RIN3: variants seen among roughly 807,000 people sequenced by gnomAD.
RIN3 encodes the protein RAB5 interacting protein 3.
RIN3 carries 54 observed loss-of-function variants against 76.3 expected under a neutral mutation model. The observed-to-expected ratio is 0.71, with a 90% CI of 0.57 to 0.89. The LOEUF (loss-of-function observed/expected upper bound fraction) is 0.89, where lower values mean the gene tolerates loss of function less well. Ranked by LOEUF, RIN3 falls within the 40% of genes least tolerant of loss-of-function variation. The pLI is 0.00. For synonymous variants in RIN3, 576 were observed against 564.0 expected (o/e 1.02, Z -0.30); for missense variants, 1,256 against 1,322.1 (o/e 0.95, Z 0.78).
intron 2 of RIN3, among the ~76,000 whole-genome samples, chr14:92,559,600 G>A (rs1332358893): frequency 6.6e-6 from 1 of 152,236 alleles, no homozygotes; most frequent in Non-Finnish European, 1.5e-5. Flanking sequence ...TTAGCTAAGT[G>A]CTCTGTGAAA....
intron 2 of RIN3, among the ~76,000 whole-genome samples, chr14:92,564,816 G>A (rs1244034431): frequency 6.6e-6 from 1 of 152,166 alleles, no homozygotes; most frequent in Non-Finnish European, 1.5e-5. Flanking sequence ...GAGGAAACGC[G>A]CACACACACG....
chr14:92,638,253 A>G (rs1407444433), intron 4 of RIN3, among the ~76,000 whole-genome samples: 1 of 152,220 alleles, frequency 6.6e-6, no homozygotes, highest in African/African-American at 2.4e-5. Context: ...TATTCCCTCT[A>G]TGCGTAAACT....
At chr14:92,682,477 T>C (rs145752218) in intron 8 of RIN3, among the ~76,000 whole-genome samples, 12 of 152,248 alleles carry the variant, frequency 7.9e-5, no homozygotes, top group Non-Finnish European at 1.5e-4. Context: ...GATGGCATTT[T>C]GCATCCAGGG....
rs1448789277 is a variant in RIN3, at chr14:92,648,802, C to T, written c.533-2780C>T. Among the ~76,000 whole-genome samples the T allele has an allele frequency of 6.6e-6, 1 of 152,226 alleles. No homozygotes were observed. Among genetic ancestry groups the T allele is most frequent in the Non-Finnish European group, 1.5e-5 (1 of 68,048 alleles). ...CAGGCATATCAGAGCTGCAGGAACACAGGCGGGGTGGGCAAGGCCTGAGCA... is the reference window on the plus strand; with the variant it reads ...CAGGCATATCAGAGCTGCAGGAACATAGGCGGGGTGGGCAAGGCCTGAGCA... On this transcript the variant is annotated intron_variant, in intron 5 of 9. Transcript: ENST00000216487. This position sits in a 1 kb window ranked among gnomAD's most constrained non-coding sequence, Gnocchi z 4.1.
intron 7 of RIN3, among the ~76,000 whole-genome samples, chr14:92,667,814 C>T (rs1259181728): frequency 6.6e-6 from 1 of 152,120 alleles, no homozygotes; most frequent in Non-Finnish European, 1.5e-5. Context: ...ATTCAGGGAT[C>T]CATGCATAGG....
intron 2 of RIN3, among the ~76,000 whole-genome samples, chr14:92,557,626 C>T (rs1004772201): frequency 6.6e-6 from 1 of 152,248 alleles, no homozygotes; most frequent in Non-Finnish European, 1.5e-5. Flanking sequence ...CCTCCTCTTG[C>T]TACAGAGGCC....
chr14:92,576,238 T>G (rs1242866754), intron 2 of RIN3: 8 of 1,283,632 alleles, frequency 6.2e-6, no homozygotes, highest in Non-Finnish European at 8.1e-6. Context: ...AAAGGACATT[T>G]TAAAACAGCA....
chr14:92,534,931 A>G (rs544450061), intron 1 of RIN3, among the ~76,000 whole-genome samples: 48 of 152,316 alleles, frequency 3.2e-4, no homozygotes, highest in African/African-American at 1.2e-3. Context: ...AAAAGTGCAA[A>G]GAAGGAGAAA....
chr14:92,587,418 CT>C (rs1324131611), intron 3 of RIN3, among the ~76,000 whole-genome samples: 7 of 152,114 alleles, frequency 4.6e-5, no homozygotes, highest in Non-Finnish European at 1.0e-4. Flanking sequence ...TAATGCCCCT[CT>C]AGGAAACGGG....
intron 3 of RIN3, among the ~76,000 whole-genome samples, chr14:92,581,628 G>C (rs1448120596): frequency 1.3e-5 from 2 of 152,038 alleles, no homozygotes; most frequent in African/African-American, 4.8e-5. Flanking sequence ...CAGCCTCCAG[G>C]GTCACCACTC....
chr14:92,544,021 C>T lies in RIN3; in HGVS notation c.45-11730C>T, dbSNP rs141329720. 3.0e-3 allele frequency among the ~76,000 whole-genome samples: 457 copies of T among 152,166 alleles called. 1 individual carries two copies. The highest frequency in any genetic ancestry group is 0.011 in the African/African-American group (437 of 41,514). ...TGAACTGTTCGTGAAGCCTCCCCAC[C>T]CCCCCATCTCATTTAGTAGTTACCA... On this transcript the variant is annotated intron_variant, in intron 1 of 9. Transcript: ENST00000216487.
chr14:92,629,703 A>C (rs2140118774), intron 4 of RIN3, among the ~76,000 whole-genome samples: 1 of 152,328 alleles, frequency 6.6e-6, no homozygotes, highest in African/African-American at 2.4e-5. Context: ...GGGCTTTTAT[A>C]GCCATTCTCT....
At chr14:92,549,689 C>A (rs1176529830) in intron 1 of RIN3, among the ~76,000 whole-genome samples, 1 of 152,192 alleles carries the variant, frequency 6.6e-6, no homozygotes, top group East Asian at 1.9e-4. Flanking sequence ...GAGGTTGAGT[C>A]CTGCAGCCCA....
At position 92,591,314 on chromosome 14, in the gene RIN3, A is replaced by G. The variant is rs1457080223; in HGVS notation, c.367+13837A>G. 3.9e-5 allele frequency among the ~76,000 whole-genome samples: 6 copies of G among 152,356 alleles called. No homozygotes were observed. The East Asian group carries it at 1.2e-3, about 29-fold the overall frequency. ...AAGCAAAGAGAAAAAAGACTGAACA[A>G]AAACACAGAACGGAGTATCTAAGAA... On this transcript the variant is annotated intron_variant, in intron 3 of 9. Transcript: ENST00000216487.
At chr14:92,603,187 A>G (rs1378444688) in intron 3 of RIN3, among the ~76,000 whole-genome samples, 1 of 152,218 alleles carries the variant, frequency 6.6e-6, no homozygotes, top group Non-Finnish European at 1.5e-5. Flanking sequence ...AGACTCAGGC[A>G]GGCTGGAAAC....
chr14:92,567,904 TATA>T (rs1897958362), intron 2 of RIN3, among the ~76,000 whole-genome samples: 3 of 152,302 alleles, frequency 2.0e-5, no homozygotes, highest in South Asian at 4.1e-4. Context: ...GAGAGCAATC[TATA>T]ATAATAATTA....
intron 4 of RIN3, among the ~76,000 whole-genome samples, chr14:92,621,861 AC>A (rs1374529697): frequency 6.6e-6 from 1 of 152,218 alleles, no homozygotes; most frequent in African/African-American, 2.4e-5. Flanking sequence ...GTAGCTCGGA[AC>A]CTTAGCCATG....
At chr14:92,528,936 C>G (rs1896816161) in intron 1 of RIN3, among the ~76,000 whole-genome samples, 1 of 152,134 alleles carries the variant, frequency 6.6e-6, no homozygotes, top group Non-Finnish European at 1.5e-5. Context: ...TCCTCTGCCT[C>G]TGATGGAAGC....
At chr14:92,610,021 C>T (rs1189438417) in intron 3 of RIN3, among the ~76,000 whole-genome samples, 8 of 151,628 alleles carry the variant, frequency 5.3e-5, no homozygotes, top group South Asian at 2.1e-4. Context: ...AAGATCAAGG[C>T]GCTGGCAGAA....
Sources: gnomAD v4.1 joint callset for allele counts (sites outside exome capture counted in the v4.1 genomes callset) on GRCh38, gnomAD v4.1.1 for gene constraint, Gnocchi (gnomAD v3.1) non-coding constraint, MANE v1.5 for transcripts, NCBI Gene and HGNC (gene_info 2026-07-23, HGNC 2026-07-21) for gene names.